The following ARHGEF4 variants were observed in gnomAD, a reference collection of about 807,000 sequenced individuals.
ARHGEF4 encodes Rho guanine nucleotide exchange factor 4, also known as APC-stimulated guanine nucleotide exchange factor 1.
Under a neutral mutation model 162.0 loss-of-function variants are expected in ARHGEF4, and 119 were observed. That is an observed-to-expected ratio of 0.73 (90% CI 0.63 to 0.86). The LOEUF (loss-of-function observed/expected upper bound fraction) is 0.86. ARHGEF4 is among the 40% of genes least tolerant of loss of function. ARHGEF4 has a pLI of 0.00. For missense variants in ARHGEF4, 2,488 were observed against 2,456.0 expected, an observed-to-expected ratio of 1.01 and a Z score of -0.28; for synonymous variants, 1,014 against 979.9, an observed-to-expected ratio of 1.03 and a Z score of -0.65.
intron 3 of ARHGEF4, among the ~76,000 whole-genome samples, chr2:130,941,443 A>G (rs1683291128): frequency 6.6e-6 from 1 of 152,052 alleles, no homozygotes; most frequent in South Asian, 2.1e-4. Flanking sequence ...AGCTCAGGTG[A>G]TCTGCCTGCC....
Position 130,915,134 on chromosome 2 carries a change from G to A in ARHGEF4, c.1188G>A (p.Gly396=). 2 of 1,550,620 alleles carry A rather than the reference G, an allele frequency of 1.3e-6. No individual in the cohort carries two copies. The highest frequency in any genetic ancestry group is 2.4e-5 in the East Asian group (1 of 40,918). Residue 396 remains glycine (G), a synonymous_variant, in exon 2 of 14, where the codon GGG becomes GGA. Coordinates refer to ENST00000409359, the MANE Select transcript of ARHGEF4 (RefSeq NM_001367493.1). ...GCCCGATTCCTGCTTTTCAGAGTGGGGCTCCCCATCTGCAGGGTCCCTGCA... is the reference window on the plus strand; with the variant it reads ...GCCCGATTCCTGCTTTTCAGAGTGGAGCTCCCCATCTGCAGGGTCCCTGCA... The part of the protein sequence containing the change: ...LSGPIPAFQS[G]APHLQGPCKP...
intron 1 of ARHGEF4, among the ~76,000 whole-genome samples, chr2:130,882,289 C>G (rs1679243858): frequency 6.6e-6 from 1 of 152,034 alleles, no homozygotes; most frequent in African/African-American, 2.4e-5. Context: ...TGTTTCCAGC[C>G]CTCAGGCCTT....
intron 11 of ARHGEF4, chr2:131,043,820 G>C: frequency 1.8e-6 from 1 of 565,222 alleles, no homozygotes; most frequent in Non-Finnish European, 3.1e-6. Flanking sequence ...GATCTTTCCT[G>C]ACCTGGCCGC....
At chr2:130,931,381 C>G (rs1320537505) in intron 3 of ARHGEF4, 124 bp downstream of exon 3, 3 of 1,091,590 alleles carry the variant, frequency 2.7e-6, no homozygotes, top group Non-Finnish European at 3.9e-6. Flanking sequence ...CCTGGGCCCC[C>G]TTGGATTACA....
At chr2:130,970,780 G>A (rs908423144) in intron 4 of ARHGEF4, among the ~76,000 whole-genome samples, 1 of 152,214 alleles carries the variant, frequency 6.6e-6, no homozygotes, top group East Asian at 1.9e-4. Flanking sequence ...TCTTATTGTT[G>A]TATTTGGAGA....
At chr2:131,020,602 T>C (rs1234212199) in intron 4 of ARHGEF4, among the ~76,000 whole-genome samples, 1 of 152,196 alleles carries the variant, frequency 6.6e-6, no homozygotes, top group Non-Finnish European at 1.5e-5. Flanking sequence ...TGTTGGACAT[T>C]TGGGTTGGTT....
At chr2:130,970,918 G>A (rs1374157367) in intron 4 of ARHGEF4, among the ~76,000 whole-genome samples, 1 of 152,120 alleles carries the variant, frequency 6.6e-6, no homozygotes, top group Non-Finnish European at 1.5e-5. Flanking sequence ...TAATTTTGAC[G>A]GAATCCAATT....
intron 3 of ARHGEF4, among the ~76,000 whole-genome samples, chr2:130,939,524 G>A (rs1158250169): frequency 6.6e-6 from 1 of 152,176 alleles, no homozygotes; most frequent in Non-Finnish European, 1.5e-5. Flanking sequence ...ATTAGATGGA[G>A]TCCTTCCACT....
chr2:130,855,525 A>G (rs528437942), intron 1 of ARHGEF4, among the ~76,000 whole-genome samples: 68 of 152,252 alleles, frequency 4.5e-4, no homozygotes, highest in African/African-American at 1.6e-3. Flanking sequence ...TTCAGCAACA[A>G]TGTGTGACAA....
At chr2:130,845,655 G>T (rs1680908682) in intron 1 of ARHGEF4, among the ~76,000 whole-genome samples, 1 of 152,188 alleles carries the variant, frequency 6.6e-6, no homozygotes, top group Admixed American at 6.5e-5. Context: ...TCAGAGCATA[G>T]TGGGTGTGGC....
intron 4 of ARHGEF4, among the ~76,000 whole-genome samples, chr2:131,018,764 T>G (rs1002344102): frequency 2.6e-5 from 4 of 152,218 alleles, no homozygotes; most frequent in African/African-American, 9.6e-5. Context: ...TTGAGTTAAT[T>G]TTTATGTGTG....
At chr2:130,929,992 C>A (rs1475979018) in intron 2 of ARHGEF4, 1 of 151,376 alleles carries the variant, frequency 6.6e-6, no homozygotes, top group African/African-American at 2.4e-5. Context: ...TCCCGGGGTT[C>A]CCGCCATTCT....
chr2:130,971,765 A>G (rs1573488167), intron 4 of ARHGEF4, among the ~76,000 whole-genome samples: 1 of 152,214 alleles, frequency 6.6e-6, no homozygotes, highest in East Asian at 1.9e-4. Context: ...GAGGATTGAA[A>G]TCTTAACAGT....
rs1478384016 is a variant in ARHGEF4, at chr2:130,962,825, G to T, written c.3985+16190G>T. On this transcript the variant is annotated intron_variant, in intron 4 of 13. Coordinates refer to ENST00000409359, the MANE Select transcript of ARHGEF4 (RefSeq NM_001367493.1). Reference sequence around the variant, plus strand: ...ACATGGGGTCGGGGCGGGGAGGGGGGCAGTAAGGGGAAGGCCATCAGCAGC... The same window carrying T: ...ACATGGGGTCGGGGCGGGGAGGGGGTCAGTAAGGGGAAGGCCATCAGCAGC... Among the ~76,000 whole-genome samples, 7 of 152,014 alleles carry T rather than the reference G, an allele frequency of 4.6e-5. No homozygotes were observed. In the East Asian group the frequency reaches 1.2e-3, roughly 25 times the overall value.
At chr2:130,887,658 A>C (rs981349303) in intron 1 of ARHGEF4, among the ~76,000 whole-genome samples, 2 of 152,120 alleles carry the variant, frequency 1.3e-5, no homozygotes, top group Non-Finnish European at 2.9e-5. Context: ...TTCTGAAAAC[A>C]ACAACAAAAT....
At chr2:130,941,080 G>T (rs1488635363) in intron 3 of ARHGEF4, among the ~76,000 whole-genome samples, 1 of 152,110 alleles carries the variant, frequency 6.6e-6, no homozygotes, top group African/African-American at 2.4e-5. Flanking sequence ...GGAAGACTTA[G>T]AGAATGTTTA....
intron 1 of ARHGEF4, among the ~76,000 whole-genome samples, chr2:130,907,956 C>CAA (rs533297292): frequency 8.1e-6 from 1 of 123,290 alleles, no homozygotes. Context: ...GACTCTGTCT[C>CAA]AAAAAAAAAA....
chr2:130,971,951 T>C (rs1685400493), intron 4 of ARHGEF4, among the ~76,000 whole-genome samples: 2 of 152,246 alleles, frequency 1.3e-5, no homozygotes, highest in South Asian at 4.1e-4. Flanking sequence ...GTAAAATCTA[T>C]AGTGCTGGGG....
chr2:130,912,732 G>A (rs932451500), intron 1 of ARHGEF4, among the ~76,000 whole-genome samples: 16 of 152,128 alleles, frequency 1.1e-4, no homozygotes, highest in Admixed American at 1.0e-3. Flanking sequence ...ACAGCAGTTT[G>A]TCAGAGTTCA....
Sources: allele counts gnomAD v4.1 joint callset (sites outside exome capture counted in the v4.1 genomes callset), GRCh38; gene constraint gnomAD v4.1.1; transcripts MANE v1.5; gene names NCBI Gene and HGNC (gene_info 2026-07-23, HGNC 2026-07-21).